The following VPS13A variants were observed in gnomAD, a reference collection of about 807,000 sequenced individuals.
VPS13A encodes intermembrane lipid transfer protein VPS13A.
A neutral mutation model predicts 390.9 loss-of-function variants in VPS13A; 264 were observed. The observed-to-expected ratio is 0.68, with a 90% CI of 0.61 to 0.75. The LOEUF (loss-of-function observed/expected upper bound fraction) is 0.75. Ranked by LOEUF, VPS13A falls within the 30% of genes least tolerant of loss-of-function variation. The pLI is 0.00. For missense variants in VPS13A, 3,409 were observed against 3,733.9 expected (o/e 0.91, Z 2.27); for synonymous variants, 1,231 against 1,227.1 (o/e 1.00, Z -0.07).
chr9:77,209,364 G>A (rs1825846406), intron 5 of VPS13A, 59 bp from the exon 6 acceptor site: 5 of 1,191,040 alleles, frequency 4.2e-6, no homozygotes, highest in Non-Finnish European at 3.7e-6. Context: ...TTCAGTATGT[G>A]GATATTTATA....
chr9:77,366,177 C>T lies in VPS13A; in HGVS notation c.8326-550C>T, dbSNP rs1435547889. ...TAAGTCAGAAATGCATTGAATACAC[C>T]TAACCTACTGAACATTAAAGCTTAG... On this transcript the variant is annotated intron_variant, in intron 60 of 71. Coordinates refer to ENST00000360280, the MANE Select transcript of VPS13A (RefSeq NM_033305.3). Among the ~76,000 whole-genome samples the T allele has an allele frequency of 2.0e-5, 3 of 152,046 alleles. No individual in the cohort carries two copies. In the East Asian group the frequency reaches 5.8e-4, roughly 29 times the overall value.
chr9:77,291,788 C>T (rs1295062674), intron 31 of VPS13A, among the ~76,000 whole-genome samples: 1 of 152,154 alleles, frequency 6.6e-6, no homozygotes, highest in Non-Finnish European at 1.5e-5. Context: ...TCCATTTTCA[C>T]TCCTAGCCAG....
At chr9:77,217,210 G>A (rs1056577773) in intron 10 of VPS13A, among the ~76,000 whole-genome samples, 1 of 152,180 alleles carries the variant, frequency 6.6e-6, no homozygotes, top group African/African-American at 2.4e-5. Flanking sequence ...TCAAAGTATG[G>A]TTCAAACTAG....
intron 52 of VPS13A, 39 bp from the exon 53 acceptor site, chr9:77,351,278 T>C (rs1831450074): frequency 1.2e-6 from 2 of 1,608,882 alleles, no homozygotes; most frequent in South Asian, 2.2e-5. Context: ...CTTCGTGTAC[T>C]TGCATTTAAT....
chr9:77,354,367 C>G (rs1328176217), intron 54 of VPS13A, among the ~76,000 whole-genome samples: 1 of 151,922 alleles, frequency 6.6e-6, no homozygotes, highest in Non-Finnish European at 1.5e-5. Flanking sequence ...ATATTAAAAT[C>G]TATATTCTTA....
intron 1 of VPS13A, among the ~76,000 whole-genome samples, chr9:77,193,564 G>A (rs1824811073): frequency 6.6e-6 from 1 of 152,248 alleles, no homozygotes; most frequent in South Asian, 2.1e-4. Flanking sequence ...AACCCGGAAG[G>A]TGGAGGTTGC....
At chr9:77,180,603 T>G (rs1416489327) in intron 1 of VPS13A, among the ~76,000 whole-genome samples, 2 of 152,214 alleles carry the variant, frequency 1.3e-5, no homozygotes, top group Non-Finnish European at 2.9e-5. Context: ...GTATAAGGTG[T>G]GTGATATGTG....
At chr9:77,319,195 CAA>C (rs5898533) in intron 41 of VPS13A, among the ~76,000 whole-genome samples, 9 of 123,462 alleles carry the variant, frequency 7.3e-5, no homozygotes, top group Non-Finnish European at 5.1e-5. Flanking sequence ...GACCCAGACT[CAA>C]AAAAAAAAAA....
intron 17 of VPS13A, among the ~76,000 whole-genome samples, chr9:77,231,820 C>G (rs1396394496): frequency 1.3e-5 from 2 of 152,054 alleles, no homozygotes; most frequent in African/African-American, 4.8e-5. Context: ...TCAGAAGGTT[C>G]ACCTAAGCCA....
intron 19 of VPS13A, among the ~76,000 whole-genome samples, chr9:77,245,200 GA>G (rs1824736620): frequency 6.6e-6 from 1 of 152,178 alleles, no homozygotes; most frequent in Non-Finnish European, 1.5e-5. Flanking sequence ...ACAACTTAGA[GA>G]AATCATTGTG....
intron 31 of VPS13A, among the ~76,000 whole-genome samples, chr9:77,293,013 C>T (rs1433322839): frequency 3.9e-5 from 6 of 151,926 alleles, no homozygotes; most frequent in Non-Finnish European, 8.8e-5. Context: ...CATGGTTACT[C>T]TCATTACGAA....
intron 5 of VPS13A, among the ~76,000 whole-genome samples, chr9:77,207,962 T>G (rs1031249012): frequency 3.3e-5 from 5 of 152,150 alleles, no homozygotes; most frequent in Admixed American, 1.3e-4. Flanking sequence ...AATGGATAGT[T>G]GGTTTTATTC....
intron 19 of VPS13A, among the ~76,000 whole-genome samples, chr9:77,244,145 G>A (rs1481516625): frequency 6.8e-6 from 1 of 147,324 alleles, no homozygotes; most frequent in Non-Finnish European, 1.5e-5. Flanking sequence ...GGCTGAGACT[G>A]GAGGATTGCT....
Position 77,358,372 on chromosome 9 carries a change from C to A in VPS13A, c.7969C>A (p.His2657Asn), listed in dbSNP as rs775841320. 1 of 1,613,178 alleles carries A rather than the reference C, an allele frequency of 6.2e-7. No homozygotes were observed. Among genetic ancestry groups the A allele is most frequent in the Non-Finnish European group, 8.5e-7 (1 of 1,179,646 alleles). ...ATTTTCTTAGATCCAAAATCAGATA[C>A]ATGGTGCTGTATTTCCCTTTGTGTT... is the stretch of plus-strand genomic sequence containing the variant. Reference protein sequence around the residue: ...IYRIQIQNQIHGAVFPFVFYP... With the variant: ...IYRIQIQNQINGAVFPFVFYP... The change falls in exon 57 of 72, where the codon CAT becomes AAT. Residue 2657 changes from histidine (H) to asparagine (N), a missense_variant. By Grantham distance (68) the His-to-Asn change is moderately conservative (BLOSUM62 1). Coordinates refer to ENST00000360280, the MANE Select transcript of VPS13A (RefSeq NM_033305.3).
intron 20 of VPS13A, 109 bp downstream of exon 20, chr9:77,247,504 T>A: frequency 8.4e-7 from 1 of 1,188,654 alleles, no homozygotes; most frequent in Middle Eastern, 2.3e-4. Context: ...TTCCTAGATT[T>A]GTGGTAGATA....
intron 46 of VPS13A, among the ~76,000 whole-genome samples, chr9:77,335,068 A>G (rs1033978609): frequency 1.3e-5 from 2 of 152,232 alleles, no homozygotes; most frequent in African/African-American, 4.8e-5. Flanking sequence ...TTTTAGGAGT[A>G]GAGCTTAGGA....
In VPS13A at chr9:77,396,321, A is replaced by C. The variant is rs185433177; in HGVS notation, c.9190-6915A>C. 1.2e-4 allele frequency among the ~76,000 whole-genome samples: 18 copies of C among 152,286 alleles called. No homozygotes were observed. The East Asian group carries it at 3.5e-3, about 29-fold the overall frequency. ...ATGCTCAGCTTTCCTGCCCTGTCTA[A>C]GCTGTCAGTATAGCCTATACCTATG... On this transcript the variant is annotated intron_variant, in intron 68 of 71. Coordinates refer to ENST00000360280, the MANE Select transcript of VPS13A (RefSeq NM_033305.3).
chr9:77,292,140 A>C (rs534692811), intron 31 of VPS13A, among the ~76,000 whole-genome samples: 1 of 152,016 alleles, frequency 6.6e-6, no homozygotes, highest in East Asian at 1.9e-4. Flanking sequence ...CACCTTTTCC[A>C]GGGTCATACC....
rs541783337 is a variant in VPS13A, at chr9:77,308,039, C to A, written c.4055C>A (p.Thr1352Lys). The A allele has an allele frequency of 1.2e-6, 2 of 1,613,758 alleles. No homozygotes were observed. The highest frequency in any genetic ancestry group is 1.7e-6 in the Non-Finnish European group (2 of 1,179,840). The change falls in exon 35 of 72, where the codon ACA (threonine) becomes AAA (lysine). Residue 1352 changes from threonine to lysine, a missense_variant. Thr to Lys is a moderately conservative substitution (Grantham distance 78). Around this residue, in one of 5 missense-constraint regions of VPS13A, gnomAD observed 2,717 missense variants for 2,917.4 expected, o/e 0.93. Coordinates refer to ENST00000360280, the MANE Select transcript of VPS13A (RefSeq NM_033305.3). ...GATGGTAGTGCCTCACCTGCTGTAA[C>A]AAAAGACCAATACAGTGCCACTAGT... is the stretch of plus-strand genomic sequence containing the variant. ...EKDGSASPAV[T>K]KDQYSATSGV...
Sources: allele counts gnomAD v4.1 joint callset (sites outside exome capture counted in the v4.1 genomes callset), GRCh38; gene constraint gnomAD v4.1.1; regional missense constraint gnomAD v4.1.1; transcripts MANE v1.5; gene names NCBI Gene and HGNC (gene_info 2026-07-23, HGNC 2026-07-21).